DISC1: variants seen among roughly 807,000 people sequenced by gnomAD.
DISC1 encodes the protein DISC1 scaffold protein.
A neutral mutation model predicts 84.5 loss-of-function variants in DISC1; 57 were observed. The observed-to-expected ratio is 0.67, with a 90% CI of 0.55 to 0.84. The LOEUF (loss-of-function observed/expected upper bound fraction) is 0.84, where lower values mean the gene tolerates loss of function less well. DISC1 is among the 40% of genes least tolerant of loss of function. The pLI, the probability that DISC1 is intolerant of heterozygous loss-of-function variation, is 0.00. For missense variants in DISC1, 1,000 were observed against 1,057.8 expected (o/e 0.95, Z 0.76); for synonymous variants, 411 against 415.2 (o/e 0.99, Z 0.12).
chr1:231,668,221 T>G (rs1004179557), intron 1 of DISC1, among the ~76,000 whole-genome samples: 1 of 152,184 alleles, frequency 6.6e-6, no homozygotes, highest in African/African-American at 2.4e-5. Context: ...TGATTAATTT[T>G]TTTTGGTGAA....
intron 9 of DISC1, among the ~76,000 whole-genome samples, chr1:231,882,857 C>T (rs548669009): frequency 3.6e-4 from 54 of 152,050 alleles, no homozygotes; most frequent in African/African-American, 1.3e-3. Context: ...CATCACTGTG[C>T]ATAATGATGG....
chr1:232,033,828 T>A (rs1033393779), intron 12 of DISC1, among the ~76,000 whole-genome samples: 3 of 152,226 alleles, frequency 2.0e-5, no homozygotes, highest in Admixed American at 1.3e-4. Context: ...ATTGTGAATA[T>A]CACAGAAGTA....
At chr1:231,904,764 G>C (rs542472376) in intron 9 of DISC1, among the ~76,000 whole-genome samples, 1 of 152,170 alleles carries the variant, frequency 6.6e-6, no homozygotes, top group Non-Finnish European at 1.5e-5. Flanking sequence ...ATACAAGCAG[G>C]GAAATTGCAG....
intron 9 of DISC1, among the ~76,000 whole-genome samples, chr1:231,868,591 G>A (rs373826303): frequency 6.6e-6 from 1 of 151,358 alleles, no homozygotes; most frequent in African/African-American, 2.4e-5. Flanking sequence ...CAGGCGCAGT[G>A]GCTCACATCC....
intron 9 of DISC1, chr1:231,818,864 T>C: frequency 9.1e-7 from 1 of 1,094,832 alleles, no homozygotes; most frequent in Admixed American, 4.8e-5. Flanking sequence ...CTTGGCTCCG[T>C]CTCCTTGTCT....
In DISC1 at chr1:231,731,310, C is replaced by G. The variant is rs537054854; in HGVS notation, c.1118-18616C>G. Among the ~76,000 whole-genome samples the G allele has an allele frequency of 7.2e-5, 11 of 152,280 alleles. No individual in the cohort carries two copies. In the East Asian group the frequency reaches 2.1e-3, roughly 29 times the overall value. ...GCAGTGTTATAGTTCTGTGATTGCT[C>G]CTGCAGCTTAAAGGCAGTTCTGCAG... is the stretch of plus-strand genomic sequence containing the variant. On this transcript the variant is annotated intron_variant, in intron 3 of 12. Coordinates refer to ENST00000439617, the MANE Select transcript of DISC1 (RefSeq NM_018662.3).
chr1:231,797,567 TC>T (rs1320644625), intron 7 of DISC1, among the ~76,000 whole-genome samples: 1 of 152,136 alleles, frequency 6.6e-6, no homozygotes, highest in Admixed American at 6.6e-5. Context: ...CTCTGGGGCT[TC>T]TTTATAAGGG....
chr1:231,952,090 C>CA (rs11392611), intron 9 of DISC1, among the ~76,000 whole-genome samples: 9,832 of 53,958 alleles, frequency 0.18, 1,057 homozygotes, highest in East Asian at 0.37. Flanking sequence ...CTCAATGTCT[C>CA]AAAAAAAAAA....
In DISC1 at chr1:231,818,463, AAAG is replaced by A; in HGVS notation, c.1932_1934del (p.Glu644del). 6.2e-7 allele frequency: 1 copy of A among 1,614,184 alleles called. No individual in the cohort carries two copies. The highest frequency in any genetic ancestry group is 8.5e-7 in the Non-Finnish European group (1 of 1,180,024). On this transcript the variant is annotated inframe_deletion, in exon 9 of 13. Coordinates refer to ENST00000439617, the MANE Select transcript of DISC1 (RefSeq NM_018662.3). ...GAATGTCAAAAAGCTGGGAAGTGTT[AAAG>A]AAGATTACAACAGACTGAGAAGAGA...
At chr1:231,773,502 A>T (rs563596750) in intron 6 of DISC1, among the ~76,000 whole-genome samples, 1 of 152,270 alleles carries the variant, frequency 6.6e-6, no homozygotes, top group Non-Finnish European at 1.5e-5. Flanking sequence ...TTCCTGCCTC[A>T]GCCTCCTGAG....
chr1:231,872,102 A>T (rs2085506533), intron 9 of DISC1, among the ~76,000 whole-genome samples: 1 of 152,238 alleles, frequency 6.6e-6, no homozygotes, highest in Non-Finnish European at 1.5e-5. Context: ...CAGCGTGAAG[A>T]CAGCCTGATG....
chr1:231,880,488 T>A (rs7534369), intron 9 of DISC1, among the ~76,000 whole-genome samples: 51,578 of 151,810 alleles, frequency 0.34, 8,931 homozygotes, highest in Middle Eastern at 0.41. Flanking sequence ...ATTTAAAAAA[T>A]TTTTGCTCTT....
intron 10 of DISC1, among the ~76,000 whole-genome samples, chr1:232,006,470 G>A (rs1667455231): frequency 6.6e-6 from 1 of 152,116 alleles, no homozygotes; most frequent in African/African-American, 2.4e-5. Flanking sequence ...GCAGCATTTT[G>A]CCCCAGCCCT....
At chr1:231,656,120 G>T (rs1236185304) in intron 1 of DISC1, among the ~76,000 whole-genome samples, 3 of 151,936 alleles carry the variant, frequency 2.0e-5, no homozygotes, top group Non-Finnish European at 2.9e-5. Context: ...TTATCTTTGT[G>T]TTGGTTGTTT....
At chr1:231,774,556 G>A in intron 6 of DISC1, 1 of 375,836 alleles carries the variant, frequency 2.7e-6, no homozygotes, top group Non-Finnish European at 5.3e-6. Flanking sequence ...TTGAGGTGCA[G>A]GGAGGTATCG....
chr1:231,876,356 C>T (rs1394538330), intron 9 of DISC1, among the ~76,000 whole-genome samples: 24 of 152,146 alleles, frequency 1.6e-4, no homozygotes, highest in Admixed American at 1.6e-3. Flanking sequence ...TTCCTGAGGC[C>T]TCCCCAGAAA....
chr1:231,941,298 A>G (rs1206646572), intron 9 of DISC1, among the ~76,000 whole-genome samples: 1 of 152,112 alleles, frequency 6.6e-6, no homozygotes, highest in Non-Finnish European at 1.5e-5. Context: ...GCCGGCTCCC[A>G]CATTCCCACT....
chr1:231,900,495 G>C (rs534747667), intron 9 of DISC1, among the ~76,000 whole-genome samples: 1 of 152,298 alleles, frequency 6.6e-6, no homozygotes, highest in South Asian at 2.1e-4. Flanking sequence ...AGAGTTCCCT[G>C]GAGACATTAG....
chr1:232,014,209 T>G (rs924534937), intron 11 of DISC1, among the ~76,000 whole-genome samples: 5 of 152,210 alleles, frequency 3.3e-5, no homozygotes, highest in African/African-American at 9.7e-5. Flanking sequence ...TCAGCCATAA[T>G]GGGTGCAGAT....
Sources: allele counts gnomAD v4.1 joint callset (sites outside exome capture counted in the v4.1 genomes callset), GRCh38; gene constraint gnomAD v4.1.1; transcripts MANE v1.5; gene names NCBI Gene and HGNC (gene_info 2026-07-23, HGNC 2026-07-21).